The following CCDC73 variants were observed in gnomAD, a reference collection of about 807,000 sequenced individuals.
CCDC73 encodes coiled-coil domain-containing protein 73.
CCDC73 carries 95 observed loss-of-function variants against 116.5 expected under a neutral mutation model. The ratio of observed to expected loss-of-function variants is 0.82; its 90% CI spans 0.69 to 0.97. The LOEUF (loss-of-function observed/expected upper bound fraction) is 0.97. Ranked by LOEUF, CCDC73 falls within the 50% of genes least tolerant of loss-of-function variation. The pLI is 0.00. For synonymous variants in CCDC73, 398 were observed against 401.3 expected (o/e 0.99, Z 0.10); for missense variants, 1,066 against 1,206.8 (o/e 0.88, Z 1.73).
chr11:32,791,567 A>G (rs1850677019), intron 1 of CCDC73, among the ~76,000 whole-genome samples: 1 of 152,226 alleles, frequency 6.6e-6, no homozygotes, highest in Non-Finnish European at 1.5e-5. Context: ...CAAAGAACAT[A>G]CTTTGGAAAA....
At chr11:32,609,394 C>T (rs1160050776) in intron 17 of CCDC73, among the ~76,000 whole-genome samples, 1 of 152,142 alleles carries the variant, frequency 6.6e-6, no homozygotes, top group Non-Finnish European at 1.5e-5. Context: ...CAAAACATAA[C>T]AAGTCACCTT....
At chr11:32,731,024 C>G (rs1415180539) in intron 2 of CCDC73, among the ~76,000 whole-genome samples, 1 of 151,966 alleles carries the variant, frequency 6.6e-6, no homozygotes. Context: ...CCCTTCCTAG[C>G]CAAGGGAAGC....
intron 7 of CCDC73, among the ~76,000 whole-genome samples, chr11:32,677,310 T>G (rs1856098177): frequency 6.6e-6 from 1 of 151,904 alleles, no homozygotes. Context: ...TGGACTAAAC[T>G]TCATTACAAC....
rs59419534 is a variant in CCDC73 at position 32,695,774 on chromosome 11, T to TAAAAA, written c.390+3472_390+3476dup. Among the ~76,000 whole-genome samples, 543 of 129,464 alleles carry TAAAAA rather than the reference T, an allele frequency of 4.2e-3. 4 individuals carry two copies. The highest frequency in any genetic ancestry group is 6.9e-3 in the Non-Finnish European group (426 of 61,436). The allele number at this position is 129,464 out of a possible 152,430, so 84.9% of individuals were successfully genotyped here. A position where few individuals can be genotyped will look rare whatever the true frequency, so the allele number is the denominator to read the frequency against. ...CATGTAGTAATTTTTAGTTTGGTTG[T>TAAAAA]AAAAAAAAAAAAAAAAAGACCCTGG... On this transcript the variant is annotated intron_variant, in intron 6 of 17. Coordinates refer to ENST00000335185, the MANE Select transcript of CCDC73 (RefSeq NM_001008391.4).
chr11:32,608,631 A>C (rs1855384345), intron 17 of CCDC73, among the ~76,000 whole-genome samples: 1 of 152,084 alleles, frequency 6.6e-6, no homozygotes, highest in Non-Finnish European at 1.5e-5. Flanking sequence ...CCCTCTTCTC[A>C]TAGCTCCACT....
At chr11:32,792,511 T>C (rs766842936) in intron 1 of CCDC73, among the ~76,000 whole-genome samples, 2 of 152,184 alleles carry the variant, frequency 1.3e-5, no homozygotes, top group Non-Finnish European at 2.9e-5. Flanking sequence ...AAGAGTATTT[T>C]TGGCCACAGA....
rs529377130 is a variant in CCDC73, at chr11:32,774,918, A to G, written c.-15-14660T>C. Among the ~76,000 whole-genome samples, 10 of 152,316 alleles carry G rather than the reference A, an allele frequency of 6.6e-5. No homozygotes were observed. In the South Asian group the frequency reaches 1.9e-3, roughly 28 times the overall value. ...AAACATGTACAAAGTGCCTATAAAA[A>G]TACAAATGACAAAGCAATTAATTCT... On this transcript the variant is annotated intron_variant, in intron 1 of 17. Coordinates refer to ENST00000335185, the MANE Select transcript of CCDC73 (RefSeq NM_001008391.4).
chr11:32,679,399 T>C (rs117935887), intron 7 of CCDC73, among the ~76,000 whole-genome samples: 4,741 of 152,260 alleles, frequency 0.031, 106 homozygotes, highest in East Asian at 0.071. Context: ...AGTCTCTCTC[T>C]GTCACCCAGG....
At chr11:32,804,189 A>C in the CCDC73 span, among the ~76,000 whole-genome samples, 1 of 152,160 alleles carries the variant, frequency 6.6e-6, no homozygotes, top group Admixed American at 6.5e-5. Flanking sequence ...CCCAGGCTGG[A>C]GTGCAGTGAC....
At chr11:32,769,633 A>C (rs910151507) in intron 1 of CCDC73, among the ~76,000 whole-genome samples, 1 of 152,194 alleles carries the variant, frequency 6.6e-6, no homozygotes, top group Admixed American at 6.6e-5. Context: ...CAAAAGGAGC[A>C]TTTCAAAGAG....
intron 9 of CCDC73, among the ~76,000 whole-genome samples, chr11:32,661,990 C>T (rs1855933173): frequency 6.6e-6 from 1 of 151,908 alleles, no homozygotes; most frequent in African/African-American, 2.4e-5. Context: ...CAGCTTCATC[C>T]ATGTCCCTAC....
At position 32,675,504 on chromosome 11, in the gene CCDC73, C is replaced by T. The variant is rs534175864; in HGVS notation, c.645+61G>A. 4.6e-5 allele frequency: 48 copies of T among 1,045,116 alleles called. 1 individual carries two copies. The highest frequency in any genetic ancestry group is 3.0e-4 in the Middle Eastern group (1 of 3,322). The allele number at this position is 1,045,116 out of a possible 1,614,324, so 64.7% of individuals were successfully genotyped here. On this transcript the variant is annotated intron_variant, in intron 9 of 17. Coordinates refer to ENST00000335185, the MANE Select transcript of CCDC73 (RefSeq NM_001008391.4). ...CTACCCAACTGTCCTCTAGTAATAG[C>T]GCATAAGACTATTTTATATTATAAT...
rs750381496 is a variant in CCDC73 at position 32,700,787 on chromosome 11, A to G, written c.315+4T>C. On this transcript the variant is annotated splice_donor_region_variant and intron_variant, in intron 5 of 17. Coordinates refer to ENST00000335185, the MANE Select transcript of CCDC73 (RefSeq NM_001008391.4). ...ACAGAAAATTTTAAAAAAATTATAA[A>G]TACCTTTTCTTCTTCCAGGGCACAC... 3.6e-5 allele frequency: 50 copies of G among 1,390,120 alleles called. No homozygotes were observed. Among genetic ancestry groups the G allele is most frequent in the Non-Finnish European group, 4.6e-5 (47 of 1,027,390 alleles). The allele number at this position is 1,390,120 out of a possible 1,614,324, so 86.1% of individuals were successfully genotyped here. A position where few individuals can be genotyped will look rare whatever the true frequency, so the allele number is the denominator to read the frequency against.
At chr11:32,735,224 C>T (rs900564301) in intron 2 of CCDC73, among the ~76,000 whole-genome samples, 18 of 152,112 alleles carry the variant, frequency 1.2e-4, no homozygotes, top group African/African-American at 4.3e-4. Flanking sequence ...AAGAGGAAGT[C>T]AAATTGTCCC....
upstream of CCDC73, among the ~76,000 whole-genome samples, chr11:32,795,087 C>CCT (rs2133412246): frequency 6.6e-6 from 1 of 152,122 alleles, no homozygotes; most frequent in East Asian, 1.9e-4. Flanking sequence ...TGGATGGGAA[C>CCT]GGGAGAGAGA....
chr11:32,758,173 A>G (rs1314286926), intron 2 of CCDC73: 1 of 169,834 alleles, frequency 5.9e-6, no homozygotes, highest in East Asian at 1.6e-4. Flanking sequence ...TCTCTTTTCA[A>G]TGAGGAATTT....
intron 15 of CCDC73, among the ~76,000 whole-genome samples, chr11:32,615,233 A>T (rs1326110016): frequency 6.6e-6 from 1 of 152,128 alleles, no homozygotes; most frequent in African/African-American, 2.4e-5. Context: ...GTATTAAAAA[A>T]TGGTTTATTT....
chr11:32,637,711 C>G (rs917863479), intron 13 of CCDC73, among the ~76,000 whole-genome samples: 3 of 152,002 alleles, frequency 2.0e-5, no homozygotes, highest in African/African-American at 4.8e-5. Context: ...CTTCTTTTTT[C>G]TTGCTTCCTG....
rs1201789239 is a variant in CCDC73, at chr11:32,753,981, TC to T, written c.135+6127del. On this transcript the variant is annotated intron_variant, in intron 2 of 17. Coordinates refer to ENST00000335185, the MANE Select transcript of CCDC73 (RefSeq NM_001008391.4). Reference sequence around the variant, plus strand: ...TACCACTTACTGACTATTGTTCTTTTCACCCATTGAATTGACTTGTCTTTTT... The same window carrying T: ...TACCACTTACTGACTATTGTTCTTTTACCCATTGAATTGACTTGTCTTTTT... 1.4e-4 allele frequency among the ~76,000 whole-genome samples: 22 copies of T among 152,352 alleles called. No individual in the cohort carries two copies. The East Asian group carries it at 3.3e-3, about 23-fold the overall frequency.
Sources: allele counts gnomAD v4.1 joint callset (sites outside exome capture counted in the v4.1 genomes callset), GRCh38; gene constraint gnomAD v4.1.1; transcripts MANE v1.5; gene names NCBI Gene and HGNC (gene_info 2026-07-23, HGNC 2026-07-21).